QKI: variants seen among roughly 807,000 people sequenced by gnomAD.
The protein encoded by QKI is KH domain-containing RNA-binding protein QKI.
A neutral mutation model predicts 39.0 loss-of-function variants in QKI; 10 were observed. That is an observed-to-expected ratio of 0.26 (90% CI 0.16 to 0.43). The LOEUF (loss-of-function observed/expected upper bound fraction) is 0.43, where lower values mean the gene tolerates loss of function less well. QKI is among the 20% of genes least tolerant of loss of function. The pLI, the probability that QKI is intolerant of heterozygous loss-of-function variation, is 1.00. For missense variants in QKI, 218 were observed against 428.0 expected (o/e 0.51, Z 4.33); for synonymous variants, 204 against 155.4 (o/e 1.31, Z -2.33).
Position 163,501,839 on chromosome 6 carries a change from A to G in QKI, c.402+22943A>G, listed in dbSNP as rs527446523. ...ATTAAAACTTGTATTAAGCAGCTAT[A>G]ATGCCTTTATTTATCTGTTTGGAAG... is the stretch of plus-strand genomic sequence containing the variant. On this transcript the variant is annotated intron_variant, in intron 3 of 7. Transcript: ENST00000361752. Among the ~76,000 whole-genome samples, 11 of 152,338 alleles carry G rather than the reference A, an allele frequency of 7.2e-5. 1 individual carries two copies. The highest frequency in any genetic ancestry group is 1.5e-4 in the Non-Finnish European group (10 of 68,026).
chr6:163,470,061 G>A (rs542305050), intron 2 of QKI, among the ~76,000 whole-genome samples: 1 of 152,276 alleles, frequency 6.6e-6, no homozygotes, highest in Admixed American at 6.5e-5. Context: ...ATCAGAGATT[G>A]TGAATCAGCA....
At chr6:163,516,014 T>C (rs1307748698) in intron 3 of QKI, among the ~76,000 whole-genome samples, 2 of 56,624 alleles carry the variant, frequency 3.5e-5, no homozygotes, top group Admixed American at 4.2e-4. Context: ...CTCATTGTGA[T>C]ATAATCTGAT....
intron 1 of QKI, among the ~76,000 whole-genome samples, chr6:163,415,563 C>G (rs1306995677): frequency 6.6e-6 from 1 of 151,600 alleles, no homozygotes; most frequent in Non-Finnish European, 1.5e-5. Flanking sequence ...GGCCGGGACC[C>G]CGCGCCGCTG....
At chr6:163,526,726 T>G (rs138214114) in intron 3 of QKI, among the ~76,000 whole-genome samples, 1 of 152,352 alleles carries the variant, frequency 6.6e-6, no homozygotes, top group East Asian at 1.9e-4. Context: ...AAGATCATAT[T>G]CAGCTTTTCA....
intron 2 of QKI, among the ~76,000 whole-genome samples, chr6:163,473,275 C>G (rs972005594): frequency 2.0e-5 from 3 of 152,104 alleles, no homozygotes; most frequent in African/African-American, 7.2e-5. Context: ...GGGAAAGGGG[C>G]TCTAAGAGAG....
At chr6:163,415,414 G>C (rs1787363047) in intron 1 of QKI, 79 bp downstream of exon 1, 2 of 1,455,534 alleles carry the variant, frequency 1.4e-6, no homozygotes, top group Middle Eastern at 2.2e-4. Context: ...GGTGGGGAGG[G>C]CGGGAAGGTC....
At chr6:163,557,360 A>AT (rs1207069421) in intron 4 of QKI, among the ~76,000 whole-genome samples, 1 of 152,238 alleles carries the variant, frequency 6.6e-6, no homozygotes, top group African/African-American at 2.4e-5. Flanking sequence ...ATAAAAAAGA[A>AT]TAAGATCCTG....
chr6:163,563,865 GC>G, intron 6 of QKI, 146 bp downstream of exon 6: 2 of 1,441,228 alleles, frequency 1.4e-6, no homozygotes, highest in Non-Finnish European at 1.8e-6. Flanking sequence ...TTTTATTTCA[GC>G]CTCTCATAAG....
At chr6:163,498,157 C>T (rs1408580960) in intron 3 of QKI, among the ~76,000 whole-genome samples, 2 of 125,472 alleles carry the variant, frequency 1.6e-5, no homozygotes, top group Admixed American at 9.5e-5. Context: ...AATTCATGTT[C>T]TTCATTAGTT....
At chr6:163,479,013 C>T (rs1211013668) in intron 3 of QKI, 117 bp downstream of exon 3, 19 of 796,866 alleles carry the variant, frequency 2.4e-5, no homozygotes, top group Admixed American at 2.3e-4. Flanking sequence ...AGGCCGGGCG[C>T]GGTGGCTCAC....
At chr6:163,498,467 T>G (rs1452136991) in intron 3 of QKI, among the ~76,000 whole-genome samples, 1 of 152,156 alleles carries the variant, frequency 6.6e-6, no homozygotes, top group Non-Finnish European at 1.5e-5. Flanking sequence ...CCTACACACC[T>G]TTCACCTCAC....
At chr6:163,441,104 G>T (rs983754349) in intron 1 of QKI, among the ~76,000 whole-genome samples, 1 of 152,106 alleles carries the variant, frequency 6.6e-6, no homozygotes, top group African/African-American at 2.4e-5. Flanking sequence ...GGCAGGAGCA[G>T]CCTTTTCCTT....
At chr6:163,435,806 A>G (rs1789225696) in intron 1 of QKI, among the ~76,000 whole-genome samples, 2 of 152,178 alleles carry the variant, frequency 1.3e-5, no homozygotes, top group South Asian at 4.1e-4. Flanking sequence ...AATTAACACT[A>G]CTGACAGAAT....
chr6:163,565,827 A>G, intron 6 of QKI: 1 of 1,405,366 alleles, frequency 7.1e-7, no homozygotes, highest in Non-Finnish European at 9.4e-7. Flanking sequence ...ATTATTTTAA[A>G]ATAAGCAGTG....
chr6:163,566,532 G>A, intron 6 of QKI, 189 bp from the exon 7 acceptor site: 2 of 1,422,856 alleles, frequency 1.4e-6, no homozygotes, highest in Middle Eastern at 2.6e-4. Context: ...TGAAATGAAT[G>A]CAATATTAAT....
At chr6:163,484,799 T>C (rs1365956683) in intron 3 of QKI, among the ~76,000 whole-genome samples, 1 of 152,184 alleles carries the variant, frequency 6.6e-6, no homozygotes, top group Non-Finnish European at 1.5e-5. Flanking sequence ...TACAGGTCAC[T>C]ATGGCAGACA....
chr6:163,438,072 C>G (rs1484383355), intron 1 of QKI, among the ~76,000 whole-genome samples: 2 of 152,136 alleles, frequency 1.3e-5, no homozygotes, highest in Non-Finnish European at 2.9e-5. Context: ...GAAAATTAAC[C>G]TGTTACATTC....
chr6:163,494,443 T>C (rs964260256), intron 3 of QKI, among the ~76,000 whole-genome samples: 4 of 152,226 alleles, frequency 2.6e-5, no homozygotes, highest in Admixed American at 6.5e-5. Context: ...ACCTACTTGC[T>C]GAAACTTATG....
At chr6:163,524,635 A>C (rs571354271) in intron 3 of QKI, among the ~76,000 whole-genome samples, 2 of 56,274 alleles carry the variant, frequency 3.6e-5, no homozygotes, top group South Asian at 1.5e-3. Context: ...TGCCCGGCTA[A>C]TTTTGTATTT....
Sources: gnomAD v4.1 joint callset for allele counts (sites outside exome capture counted in the v4.1 genomes callset) on GRCh38, gnomAD v4.1.1 for gene constraint, MANE v1.5 for transcripts, NCBI Gene and HGNC (gene_info 2026-07-23, HGNC 2026-07-21) for gene names.